Variants in BRINP3 observed in about 807,000 individuals in gnomAD.
BRINP3 encodes the protein BMP/retinoic acid-inducible neural-specific protein 3.
BRINP3 carries 19 observed loss-of-function variants against 71.0 expected under a neutral mutation model. That is an observed-to-expected ratio of 0.27 (90% CI 0.19 to 0.39). The LOEUF (loss-of-function observed/expected upper bound fraction) is 0.39. BRINP3 is among the 10% of genes least tolerant of loss of function. The pLI is 1.00. For synonymous variants in BRINP3, 380 were observed against 337.7 expected, an observed-to-expected ratio of 1.13 and a Z score of -1.37; for missense variants, 959 against 940.8, an observed-to-expected ratio of 1.02 and a Z score of -0.25.
intron 2 of BRINP3, among the ~76,000 whole-genome samples, chr1:190,320,768 T>G (rs1348187013): frequency 6.6e-5 from 10 of 151,888 alleles, no homozygotes; most frequent in African/African-American, 2.4e-4. Flanking sequence ...GGGAGGAAAC[T>G]GAATTACCTA....
At chr1:190,165,780 A>T (rs969434480) in intron 6 of BRINP3, among the ~76,000 whole-genome samples, 1 of 152,072 alleles carries the variant, frequency 6.6e-6, no homozygotes, top group African/African-American at 2.4e-5. Context: ...AAAATTGGCA[A>T]GATATGAAAG....
intron 2 of BRINP3, among the ~76,000 whole-genome samples, chr1:190,364,647 T>A (rs773583519): frequency 3.7e-4 from 56 of 152,018 alleles, no homozygotes; most frequent in Non-Finnish European, 7.5e-4. Flanking sequence ...TAAATCATAG[T>A]AATCTAACAA....
At chr1:190,424,031 T>A (rs1191369519) in intron 2 of BRINP3, among the ~76,000 whole-genome samples, 2 of 151,654 alleles carry the variant, frequency 1.3e-5, no homozygotes, top group East Asian at 3.9e-4. Context: ...CACATGGGAC[T>A]TTTTTTGTTG....
At chr1:190,381,954 G>C (rs927466383) in intron 2 of BRINP3, among the ~76,000 whole-genome samples, 2 of 152,096 alleles carry the variant, frequency 1.3e-5, no homozygotes, top group Non-Finnish European at 1.5e-5. Context: ...TAAAATTATA[G>C]CTACAAAGGC....
intron 6 of BRINP3, among the ~76,000 whole-genome samples, chr1:190,198,422 T>C (rs1654690001): frequency 6.6e-6 from 1 of 152,206 alleles, no homozygotes; most frequent in Non-Finnish European, 1.5e-5. Flanking sequence ...TTTCTGAACT[T>C]TTATGCTCTG....
At chr1:190,388,565 A>G (rs1671057176) in intron 2 of BRINP3, among the ~76,000 whole-genome samples, 2 of 151,742 alleles carry the variant, frequency 1.3e-5, no homozygotes, top group Non-Finnish European at 2.9e-5. Flanking sequence ...ATTTTTGGCA[A>G]CCTTCTAAAG....
chr1:190,204,832 G>A (rs1655351578), intron 6 of BRINP3, among the ~76,000 whole-genome samples: 1 of 152,012 alleles, frequency 6.6e-6, no homozygotes, highest in Non-Finnish European at 1.5e-5. Flanking sequence ...TAAATACTGA[G>A]ATCAGCTGAA....
intron 3 of BRINP3, among the ~76,000 whole-genome samples, chr1:190,273,960 T>C (rs1662334573): frequency 6.6e-6 from 1 of 151,658 alleles, no homozygotes; most frequent in Admixed American, 6.6e-5. Context: ...AGAACAACTA[T>C]GAGCAGTTCA....
chr1:190,458,208 A>G (rs897248897), intron 1 of BRINP3, among the ~76,000 whole-genome samples: 6 of 152,012 alleles, frequency 3.9e-5, no homozygotes, highest in African/African-American at 1.4e-4. Flanking sequence ...TTTTTTTCTG[A>G]AAGTTTGTTA....
chr1:190,248,088 C>A (rs933251731), intron 4 of BRINP3, among the ~76,000 whole-genome samples: 1 of 151,792 alleles, frequency 6.6e-6, no homozygotes, highest in Non-Finnish European at 1.5e-5. Flanking sequence ...TCAGAATATC[C>A]TTCCTATCAA....
At chr1:190,259,029 C>T (rs1660929002) in intron 4 of BRINP3, among the ~76,000 whole-genome samples, 1 of 151,940 alleles carries the variant, frequency 6.6e-6, no homozygotes, top group Admixed American at 6.6e-5. Flanking sequence ...AAGAAAAGTT[C>T]ACATCTAGAT....
chr1:190,179,264 A>G (rs1236947929), intron 6 of BRINP3, among the ~76,000 whole-genome samples: 6 of 152,182 alleles, frequency 3.9e-5, no homozygotes, highest in African/African-American at 7.2e-5. Context: ...TTATTAAAAT[A>G]GAAACACCTT....
intron 2 of BRINP3, among the ~76,000 whole-genome samples, chr1:190,378,323 G>T (rs960620846): frequency 5.9e-5 from 9 of 152,116 alleles, no homozygotes; most frequent in Admixed American, 1.3e-4. Context: ...ACATTGCTCT[G>T]TTCTTTTTGT....
chr1:190,278,505 A>G (rs1218879709), intron 3 of BRINP3, among the ~76,000 whole-genome samples: 1 of 151,698 alleles, frequency 6.6e-6, no homozygotes, highest in Non-Finnish European at 1.5e-5. Context: ...TGCCAAAATC[A>G]TTTCTGGTAT....
chr1:190,439,041 T>C (rs1228220315), intron 2 of BRINP3, among the ~76,000 whole-genome samples: 3 of 151,918 alleles, frequency 2.0e-5, no homozygotes, highest in Admixed American at 6.6e-5. Context: ...ATTCTTTCTA[T>C]CTATTGTGTC....
At chr1:190,209,475 C>G (rs1655799275) in intron 6 of BRINP3, among the ~76,000 whole-genome samples, 1 of 152,190 alleles carries the variant, frequency 6.6e-6, no homozygotes, top group South Asian at 2.1e-4. Context: ...TTTTCTCAAG[C>G]TTCCTTTATC....
chr1:190,245,091 T>C (rs914301420), intron 4 of BRINP3, among the ~76,000 whole-genome samples: 1 of 152,012 alleles, frequency 6.6e-6, no homozygotes, highest in Non-Finnish European at 1.5e-5. Context: ...GAGGCCGTCA[T>C]ATTCTTACAT....
rs1659499844 is a variant in BRINP3, at chr1:190,245,431, A to G, written c.619-10954T>C. 2.6e-5 allele frequency among the ~76,000 whole-genome samples: 4 copies of G among 151,964 alleles called. No individual in the cohort carries two copies. In the South Asian group the frequency reaches 8.3e-4, roughly 31 times the overall value. On this transcript the variant is annotated intron_variant, in intron 4 of 7. Coordinates refer to ENST00000367462, the MANE Select transcript of BRINP3 (RefSeq NM_199051.3). ...ATTACAAATAATTATTAAAATTCTA[A>G]GTGCCAGGGGAAAAAAACAATAAAC...
At chr1:190,287,702 C>G (rs1663541242) in intron 2 of BRINP3, among the ~76,000 whole-genome samples, 1 of 152,070 alleles carries the variant, frequency 6.6e-6, no homozygotes, top group East Asian at 1.9e-4. Flanking sequence ...CAATTGCCAT[C>G]TCAGTAGAAC....
Sources: gnomAD v4.1 joint callset for allele counts (sites outside exome capture counted in the v4.1 genomes callset) on GRCh38, gnomAD v4.1.1 for gene constraint, MANE v1.5 for transcripts, NCBI Gene and HGNC (gene_info 2026-07-23, HGNC 2026-07-21) for gene names.